VAV1: variants seen among roughly 807,000 people sequenced by gnomAD.
The protein encoded by VAV1 is proto-oncogene vav.
A neutral mutation model predicts 128.1 loss-of-function variants in VAV1; 33 were observed. The ratio of observed to expected loss-of-function variants is 0.26; its 90% CI spans 0.20 to 0.34. The LOEUF (loss-of-function observed/expected upper bound fraction) is 0.34. VAV1 is among the 10% of genes least tolerant of loss of function. The pLI is 1.00. For synonymous variants in VAV1, 394 were observed against 409.8 expected, an observed-to-expected ratio of 0.96 and a Z score of 0.47; for missense variants, 715 against 1,093.7, an observed-to-expected ratio of 0.65 and a Z score of 4.88.
In VAV1 at chr19:6,826,511, T is replaced by C. The variant is rs538354397; in HGVS notation, c.828-101T>C. 8 of 804,294 alleles carry C rather than the reference T, an allele frequency of 9.9e-6. No individual in the cohort carries two copies. Among genetic ancestry groups the C allele is most frequent in the African/African-American group, 6.8e-5 (4 of 58,884 alleles). 49.8% of individuals were successfully genotyped at this position (804,294 alleles called of 1,614,324 possible). ...ACAGATGGAGAAACTGGGACTCAGG[T>C]TTCTTCTCCAGCGGGGAAGAGCAAG... On this transcript the variant is annotated intron_variant, in intron 8 of 26. Coordinates refer to ENST00000602142, the MANE Select transcript of VAV1 (RefSeq NM_005428.4). This position sits in a 1 kb window ranked among gnomAD's most constrained non-coding sequence, Gnocchi z 4.1.
chr19:6,806,182 G>A (rs756371953), intron 1 of VAV1, among the ~76,000 whole-genome samples: 59 of 152,146 alleles, frequency 3.9e-4, no homozygotes, highest in Non-Finnish European at 8.1e-4. Context: ...CGCCACCCGG[G>A]TTCAAGCAAT....
At chr19:6,812,573 C>T (rs1971536846) in intron 1 of VAV1, among the ~76,000 whole-genome samples, 1 of 152,078 alleles carries the variant, frequency 6.6e-6, no homozygotes, top group Non-Finnish European at 1.5e-5. Flanking sequence ...GGCACTTGAA[C>T]CTGGGAGGTG....
At chr19:6,778,889 T>C (rs76969246) in intron 1 of VAV1, among the ~76,000 whole-genome samples, 15,220 of 151,048 alleles carry the variant, frequency 0.1, 829 homozygotes, top group Middle Eastern at 0.15. Context: ...TTTTTTTTTT[T>C]CTTAAGAGAC....
At chr19:6,851,304 C>T (rs117307711) in intron 24 of VAV1, among the ~76,000 whole-genome samples, 15,808 of 151,894 alleles carry the variant, frequency 0.1, 1,103 homozygotes, top group South Asian at 0.17. Context: ...TCCCGAGCAG[C>T]TGGTACTATA....
rs143848722 is a variant in VAV1 at position 6,784,168 on chromosome 19, C to A, written c.204+11157C>A. On this transcript the variant is annotated intron_variant, in intron 1 of 26. Transcript: ENST00000602142. Reference sequence around the variant, plus strand: ...ACTCAGGAAGTTGAGGCAGGAGGATCGCTTGAGCCCAGGAGTTTGATGCTG... The same window carrying A: ...ACTCAGGAAGTTGAGGCAGGAGGATAGCTTGAGCCCAGGAGTTTGATGCTG... 2.7e-4 allele frequency: 152 copies of A among 567,628 alleles called. 2 individuals carry two copies. The East Asian group carries it at 3.8e-3, about 14-fold the overall frequency. 35.2% of individuals were successfully genotyped at this position (567,628 alleles called of 1,614,324 possible).
Position 6,823,388 on chromosome 19 carries a change from G to T in VAV1, c.654+874G>T, listed in dbSNP as rs148698236. Among the ~76,000 whole-genome samples the T allele has an allele frequency of 8.8e-3, 1,326 of 151,286 alleles. 25 individuals carry two copies. Among genetic ancestry groups the T allele is most frequent in the African/African-American group, 0.031 (1,290 of 41,372 alleles). ...GATCTGCCCACCTCGGCCTCCAAAA[G>T]TGCTGGGATTGCAGGCATGAGCCAC... On this transcript the variant is annotated intron_variant, in intron 6 of 26. Transcript: ENST00000602142.
At chr19:6,808,496 G>T (rs566331340) in intron 1 of VAV1, among the ~76,000 whole-genome samples, 2 of 152,282 alleles carry the variant, frequency 1.3e-5, no homozygotes, top group African/African-American at 4.8e-5. Flanking sequence ...GCAATAATCT[G>T]AGCTTAATCA....
At chr19:6,842,691 C>T (rs1199040645) in intron 21 of VAV1, among the ~76,000 whole-genome samples, 5 of 151,874 alleles carry the variant, frequency 3.3e-5, no homozygotes, top group Admixed American at 2.0e-4. Context: ...TAAAAATTAG[C>T]GGGTGTGGTG....
At chr19:6,815,299 A>G (rs1303262980) in intron 1 of VAV1, among the ~76,000 whole-genome samples, 1 of 151,882 alleles carries the variant, frequency 6.6e-6, no homozygotes, top group African/African-American at 2.4e-5. Context: ...TGGCCATCAC[A>G]CCAGGCTAAT....
chr19:6,824,661 A>G (rs1971872467), intron 6 of VAV1, among the ~76,000 whole-genome samples: 1 of 152,010 alleles, frequency 6.6e-6, no homozygotes, highest in African/African-American at 2.4e-5. Flanking sequence ...CCTCCTGAGT[A>G]GCTGGGATCA....
intron 1 of VAV1, among the ~76,000 whole-genome samples, chr19:6,807,145 TA>T (rs1971413475): frequency 1.3e-5 from 2 of 152,278 alleles, no homozygotes; most frequent in African/African-American, 4.8e-5. Flanking sequence ...GGACCAGAGT[TA>T]GGGGGGATGG....
At chr19:6,794,337 A>G (rs1162071962) in intron 1 of VAV1, among the ~76,000 whole-genome samples, 1 of 152,120 alleles carries the variant, frequency 6.6e-6, no homozygotes, top group African/African-American at 2.4e-5. Flanking sequence ...AGGAGAATAC[A>G]GTGACTGAAG....
At chr19:6,799,183 T>C (rs924549210) in intron 1 of VAV1, among the ~76,000 whole-genome samples, 5 of 152,146 alleles carry the variant, frequency 3.3e-5, no homozygotes, top group Non-Finnish European at 7.4e-5. Flanking sequence ...GCTTTGTTTT[T>C]TTGAGATGGA....
chr19:6,834,865 TGA>T (rs1972181730), intron 19 of VAV1, among the ~76,000 whole-genome samples: 1 of 151,224 alleles, frequency 6.6e-6, no homozygotes, highest in Admixed American at 6.6e-5. Context: ...CCCAGCACTT[TGA>T]GAGGCCAAGG....
intron 22 of VAV1, among the ~76,000 whole-genome samples, chr19:6,846,167 T>C (rs1254622399): frequency 1.3e-5 from 2 of 150,612 alleles, no homozygotes; most frequent in African/African-American, 2.4e-5. Context: ...TAAAATTATA[T>C]ATTATGTATA....
At chr19:6,848,184 C>T (rs765559688) in intron 23 of VAV1, 70 bp downstream of exon 23, 18 of 1,422,516 alleles carry the variant, frequency 1.3e-5, no homozygotes, top group Non-Finnish European at 1.7e-5. Context: ...AAAGGGTATC[C>T]AGGTTTTACT....
At chr19:6,803,149 T>C (rs913726170) in intron 1 of VAV1, among the ~76,000 whole-genome samples, 4 of 152,062 alleles carry the variant, frequency 2.6e-5, no homozygotes, top group African/African-American at 9.7e-5. Flanking sequence ...TGTTAGACAG[T>C]AGCTTTTACT....
At chr19:6,825,530 C>A in intron 8 of VAV1, 124 bp downstream of exon 8, 1 of 754,920 alleles carries the variant, frequency 1.3e-6, no homozygotes, top group South Asian at 1.8e-5. Flanking sequence ...TGTTCATGGG[C>A]GAGGGGCTGC....
rs886702218 is a variant in VAV1, at chr19:6,826,676, G to A, written c.892G>A (p.Ala298Thr). 1.2e-5 allele frequency: 19 copies of A among 1,559,830 alleles called. No individual in the cohort carries two copies. The highest frequency in any genetic ancestry group is 1.6e-5 in the Non-Finnish European group (19 of 1,154,024). ...AGCCAGCAAACACCTGGACCGTGTG[G>A]CCGCAGCCCGGGAGGACGTGCAGAT... ...ESASKHLDRV[A>T]AAREDVQMKL... is the part of the protein sequence containing the mutation. The change falls in exon 9 of 27, where the codon GCC becomes ACC. Residue 298 changes from alanine to threonine, a missense_variant. This residue lies in a region of VAV1 where 302 missense variants were observed against 477.8 expected (regional missense o/e 0.63). Transcript: ENST00000602142. This position sits in a 1 kb window ranked among gnomAD's most constrained non-coding sequence, Gnocchi z 4.1.
Sources: allele counts gnomAD v4.1 joint callset (sites outside exome capture counted in the v4.1 genomes callset), GRCh38; gene constraint gnomAD v4.1.1; regional missense constraint gnomAD v4.1.1; non-coding constraint Gnocchi (gnomAD v3.1); transcripts MANE v1.5; gene names NCBI Gene and HGNC (gene_info 2026-07-23, HGNC 2026-07-21).